FRAS1: variants seen among roughly 807,000 people sequenced by gnomAD.
The protein encoded by FRAS1 is extracellular matrix organizing protein FRAS1.
A neutral mutation model predicts 435.2 loss-of-function variants in FRAS1; 290 were observed. The ratio of observed to expected loss-of-function variants is 0.67; its 90% confidence interval spans 0.61 to 0.73. FRAS1 has a LOEUF of 0.73. Ranked by LOEUF, FRAS1 falls within the 30% of genes least tolerant of loss-of-function variation. The pLI is 0.00. For missense variants in FRAS1, 4,860 were observed against 5,001.5 expected (o/e 0.97, Z 0.85); for synonymous variants, 1,800 against 1,851.0 (o/e 0.97, Z 0.71).
chr4:78,360,513 A>T (rs1214152988), intron 20 of FRAS1, among the ~76,000 whole-genome samples: 1 of 152,176 alleles, frequency 6.6e-6, no homozygotes, highest in African/African-American at 2.4e-5. Flanking sequence ...TTGGATCAAG[A>T]ATATAGGTGT....
intron 6 of FRAS1, among the ~76,000 whole-genome samples, chr4:78,261,341 A>G (rs998107369): frequency 1.5e-5 from 1 of 67,062 alleles, no homozygotes; most frequent in African/African-American, 4.9e-5. Flanking sequence ...CCTGTAGTAA[A>G]TAGTTTTCAG....
chr4:78,262,725 GA>G (rs1188249789), intron 6 of FRAS1, among the ~76,000 whole-genome samples: 2 of 152,128 alleles, frequency 1.3e-5, no homozygotes, highest in Non-Finnish European at 2.9e-5. Context: ...AAGGAATACT[GA>G]AAACCATAGC....
chr4:78,483,798 A>ATATATATATAT (rs1491045148), intron 58 of FRAS1, among the ~76,000 whole-genome samples: 61 of 71,504 alleles, frequency 8.5e-4, no homozygotes, highest in Non-Finnish European at 1.3e-3. Flanking sequence ...ATATATATAT[A>ATATATATATAT]AAATTATGTA....
intron 67 of FRAS1, among the ~76,000 whole-genome samples, chr4:78,520,256 G>GT (rs3028431): frequency 0.024 from 3,513 of 143,392 alleles, 74 homozygotes; most frequent in Middle Eastern, 0.058. Flanking sequence ...TGTTTTTCTT[G>GT]TTTTTTTTTT....
At chr4:78,078,790 A>G (rs1229927753) in intron 2 of FRAS1, among the ~76,000 whole-genome samples, 9 of 152,194 alleles carry the variant, frequency 5.9e-5, no homozygotes, top group Admixed American at 5.9e-4. Context: ...CAAGTAGCAA[A>G]CAAATATATT....
chr4:78,456,315 G>A (rs1317372167), intron 47 of FRAS1, among the ~76,000 whole-genome samples: 3 of 151,782 alleles, frequency 2.0e-5, no homozygotes, highest in Admixed American at 1.3e-4. Context: ...GCTCAATTTC[G>A]TATTTTTAGT....
rs139500309 is a variant in FRAS1, at chr4:78,338,173, T to C, written c.2422+356T>C. 128 of 187,224 alleles carry C rather than the reference T, an allele frequency of 6.8e-4. 2 individuals carry two copies. In the Middle Eastern group the frequency reaches 0.023, roughly 33 times the overall value. The allele number at this position is 187,224 out of a possible 1,614,324, so 11.6% of individuals were successfully genotyped here. On this transcript the variant is annotated intron_variant, in intron 20 of 73. Coordinates refer to ENST00000512123, the MANE Select transcript of FRAS1 (RefSeq NM_025074.7). ...CTTCCTTTCTCTTGTCTGCATTTTG[T>C]CCTGCTTCTTGTTGTGGAGAATCTT... is the stretch of plus-strand genomic sequence containing the variant.
intron 1 of FRAS1, among the ~76,000 whole-genome samples, chr4:78,065,057 TG>T (rs911209583): frequency 9.9e-6 from 1 of 101,122 alleles, no homozygotes; most frequent in African/African-American, 4.2e-5. Flanking sequence ...AGTTTTATAG[TG>T]TATATATATA....
intron 29 of FRAS1, among the ~76,000 whole-genome samples, chr4:78,388,320 G>A (rs548699818): frequency 2.3e-4 from 32 of 137,134 alleles, no homozygotes; most frequent in Non-Finnish European, 3.3e-4. Context: ...GAGAGACTCC[G>A]TCTCAAAAAC....
At chr4:78,235,321 C>T (rs1724703230) in intron 2 of FRAS1, among the ~76,000 whole-genome samples, 1 of 152,206 alleles carries the variant, frequency 6.6e-6, no homozygotes, top group Non-Finnish European at 1.5e-5. Context: ...TGGTTTCTGC[C>T]ATTTTGTGTG....
intron 35 of FRAS1, among the ~76,000 whole-genome samples, chr4:78,428,558 C>T (rs1032908037): frequency 2.5e-4 from 38 of 152,230 alleles, no homozygotes; most frequent in African/African-American, 8.7e-4. Flanking sequence ...CTCCTGACCT[C>T]GTGATCCGCC....
At position 78,438,907 on chromosome 4, in the gene FRAS1, C is replaced by T; in HGVS notation, c.5372C>T (p.Ser1791Leu). Reference sequence around the variant, plus strand: ...TTCTTTTTGTTTTTTTATAGATACTCAGCTGTGTTTGAAACTGATGGTCAT... The same window carrying T: ...TTCTTTTTGTTTTTTTATAGATACTTAGCTGTGTTTGAAACTGATGGTCAT... ...EDINNKKIRYSAVFETDGHLV... is the reference protein window; with the variant it reads ...EDINNKKIRYLAVFETDGHLV... The change falls in exon 40 of 74, where the codon TCA becomes TTA. Residue 1791 changes from serine (S) to leucine (L), a missense_variant. Physicochemically the swap from Ser to Leu is moderately radical, Grantham distance 145. Coordinates refer to ENST00000512123, the MANE Select transcript of FRAS1 (RefSeq NM_025074.7). 6.2e-7 allele frequency: 1 copy of T among 1,605,314 alleles called. No individual in the cohort carries two copies. Among genetic ancestry groups the T allele is most frequent in the Non-Finnish European group, 8.5e-7 (1 of 1,177,468 alleles).
chr4:78,443,280 C>G (rs1470246211), intron 41 of FRAS1, among the ~76,000 whole-genome samples: 1 of 152,120 alleles, frequency 6.6e-6, no homozygotes, highest in Admixed American at 6.5e-5. Flanking sequence ...ATCAGTTGAG[C>G]CCAGGAATTT....
intron 29 of FRAS1, among the ~76,000 whole-genome samples, chr4:78,398,164 A>G (rs1301043840): frequency 6.6e-6 from 1 of 152,078 alleles, no homozygotes; most frequent in African/African-American, 2.4e-5. Flanking sequence ...CTCCTTATAT[A>G]CTGCAAAAAA....
In FRAS1 at chr4:78,336,589, A is replaced by C. The variant is rs187587105; in HGVS notation, c.2279-1085A>C. Among the ~76,000 whole-genome samples the C allele has an allele frequency of 2.2e-3, 338 of 151,876 alleles. 1 individual carries two copies. Among genetic ancestry groups the C allele is most frequent in the African/African-American group, 7.7e-3 (320 of 41,424 alleles). On this transcript the variant is annotated intron_variant, in intron 19 of 73. Coordinates refer to ENST00000512123, the MANE Select transcript of FRAS1 (RefSeq NM_025074.7). ...ACATTGAGAGCCTCAGGAATGTAGG[A>C]GGGGTGAGAGTGCTATCCTTCTAAT...
rs1007481617 is a variant in FRAS1 at position 78,334,363 on chromosome 4, CTTTTTTTTTTTTTTTT to C, written c.2278+962_2278+977del. ...AAAACATAAAGTCATAACCAATTTTCTTTTTTTTTTTTTTTTTTTTTTTTTTGAGACGGAGTCTTGC... is the reference window on the plus strand; with the variant it reads ...AAAACATAAAGTCATAACCAATTTTCTTTTTTTTTTGAGACGGAGTCTTGC... On this transcript the variant is annotated intron_variant, in intron 19 of 73. Coordinates refer to ENST00000512123, the MANE Select transcript of FRAS1 (RefSeq NM_025074.7). 6.5e-5 allele frequency among the ~76,000 whole-genome samples: 6 copies of C among 92,274 alleles called. 1 individual carries two copies. The highest frequency in any genetic ancestry group is 3.4e-4 in the Admixed American group (3 of 8,710). The allele number at this position is 92,274 out of a possible 152,430, so 60.5% of individuals were successfully genotyped here. A position where few individuals can be genotyped will look rare whatever the true frequency, so the allele number is the denominator to read the frequency against.
intron 2 of FRAS1, among the ~76,000 whole-genome samples, chr4:78,234,825 A>ATTT (rs1308157487): frequency 2.0e-5 from 3 of 152,112 alleles, no homozygotes; most frequent in Non-Finnish European, 4.4e-5. Flanking sequence ...GGGTGATTTT[A>ATTT]TTTTTTGCTT....
At chr4:78,463,942 G>A in intron 47 of FRAS1, 79 bp from the exon 48 acceptor site, 1 of 1,492,588 alleles carries the variant, frequency 6.7e-7, no homozygotes, top group South Asian at 1.1e-5. Context: ...TCTGGTGAGA[G>A]TATGACACTT....
chr4:78,091,524 G>A (rs1312618078), intron 2 of FRAS1, among the ~76,000 whole-genome samples: 1 of 152,082 alleles, frequency 6.6e-6, no homozygotes, highest in African/African-American at 2.4e-5. Context: ...GTATTTTGAG[G>A]AATTCTGAGC....
Sources: allele counts gnomAD v4.1 joint callset (sites outside exome capture counted in the v4.1 genomes callset), GRCh38; gene constraint gnomAD v4.1.1; transcripts MANE v1.5; gene names NCBI Gene and HGNC (gene_info 2026-07-23, HGNC 2026-07-21).